Variants in ADCK5 observed in about 807,000 individuals in gnomAD.
ADCK5 encodes the protein aarF domain containing kinase 5.
In ADCK5, 43 loss-of-function variants were observed where a neutral mutation model predicts 64.9. The observed-to-expected ratio is 0.66, with a 90% confidence interval of 0.52 to 0.85. ADCK5 has a LOEUF of 0.85. ADCK5 is among the 40% of genes least tolerant of loss of function. The pLI is 0.00. For missense variants in ADCK5, 760 were observed against 810.5 expected, an observed-to-expected ratio of 0.94 and a Z score of 0.76; for synonymous variants, 434 against 342.8, an observed-to-expected ratio of 1.27 and a Z score of -2.94.
At chr8:144,380,222 A>C (rs201588854) in intron 2 of ADCK5, among the ~76,000 whole-genome samples, 2,304 of 73,210 alleles carry the variant, frequency 0.031, no homozygotes, top group Middle Eastern at 0.092. Context: ...CTGCTGCACT[A>C]AGGATTATGG....
Position 144,392,872 on chromosome 8 carries a change from C to T in ADCK5, c.1617C>T (p.Leu539=). 1.9e-6 allele frequency: 3 copies of T among 1,601,792 alleles called. No homozygotes were observed. The highest frequency in any genetic ancestry group is 2.5e-6 in the Non-Finnish European group (3 of 1,177,050). Residue 539 remains leucine, a synonymous_variant, in exon 14 of 15, where the codon CTC becomes CTT. Transcript: ENST00000308860. The part of the protein sequence containing the change: ...LRHAKVVWEM[L]KFEVALRLET... ...ACGCCAAGGTCGTCTGGGAGATGCTCAAGTTTGAAGTGGCGCTCAGGTGAG... is the reference window on the plus strand; with the variant it reads ...ACGCCAAGGTCGTCTGGGAGATGCTTAAGTTTGAAGTGGCGCTCAGGTGAG...
Position 144,374,056 on chromosome 8 carries a change from A to G in ADCK5, c.-40A>G, listed in dbSNP as rs1432147728. Reference sequence around the variant, plus strand: ...GGGCCTGCTGGGCTGCGAGACGCTAAGCGGCGCCGGGCGGGAGAAGAGCGG... The same window carrying G: ...GGGCCTGCTGGGCTGCGAGACGCTAGGCGGCGCCGGGCGGGAGAAGAGCGG... On this transcript the variant is annotated 5_prime_UTR_variant, in exon 1 of 15. Coordinates refer to ENST00000308860, the MANE Select transcript of ADCK5 (RefSeq NM_174922.5). The G allele has an allele frequency of 1.1e-5, 14 of 1,245,346 alleles. No individual in the cohort carries two copies. The highest frequency in any genetic ancestry group is 3.2e-5 in the East Asian group (1 of 31,710). 77.1% of individuals were successfully genotyped at this position (1,245,346 alleles called of 1,614,324 possible).
In ADCK5 at chr8:144,390,785, AGGT is replaced by A. The variant is rs782449342; in HGVS notation, c.342+45_342+47del. The A allele has an allele frequency of 7.1e-5, 114 of 1,609,528 alleles. No homozygotes were observed. In the Admixed American group the frequency reaches 8.0e-4, roughly 11 times the overall value. Reference sequence around the variant, plus strand: ...CCCTGGGCACACAGTGGTGGGCATGAGGTGGTGGGCTGGGTGGGACTGAGGAGG... The same window carrying A: ...CCCTGGGCACACAGTGGTGGGCATGAGGTGGGCTGGGTGGGACTGAGGAGG... On this transcript the variant is annotated intron_variant, in intron 4 of 14. Coordinates refer to ENST00000308860, the MANE Select transcript of ADCK5 (RefSeq NM_174922.5).
At position 144,376,649 on chromosome 8, in the gene ADCK5, A is replaced by T. The variant is rs1337617660; in HGVS notation, c.12+2542A>T. Among the ~76,000 whole-genome samples the T allele has an allele frequency of 6.6e-6, 1 of 152,132 alleles. No homozygotes were observed. Among genetic ancestry groups the T allele is most frequent in the Non-Finnish European group, 1.5e-5 (1 of 68,018 alleles). On this transcript the variant is annotated intron_variant, in intron 1 of 14. Coordinates refer to ENST00000308860, the MANE Select transcript of ADCK5 (RefSeq NM_174922.5). This position sits in a 1 kb window ranked among gnomAD's most constrained non-coding sequence, Gnocchi z 5.1. ...AAACAGCTTGCGTTGCTGGTCATGG[A>T]TGAGGTGGGCAGTGGCTGGGATAGC...
chr8:144,386,134 G>A (rs777958627), intron 3 of ADCK5, among the ~76,000 whole-genome samples: 10 of 149,886 alleles, frequency 6.7e-5, no homozygotes, highest in African/African-American at 1.5e-4. Context: ...TCGGCCTCCC[G>A]AGTAGCTGGG....
At chr8:144,375,237 G>T (rs1223812080) in intron 1 of ADCK5, among the ~76,000 whole-genome samples, 1 of 152,062 alleles carries the variant, frequency 6.6e-6, no homozygotes, top group African/African-American at 2.4e-5. Context: ...CATGGCCAGT[G>T]AGCAGGGCTG....
intron 2 of ADCK5, 38 bp from the exon 3 acceptor site, chr8:144,383,042 TG>T: frequency 1.3e-6 from 2 of 1,567,848 alleles, no homozygotes; most frequent in South Asian, 1.2e-5. Flanking sequence ...CAGCTGAATG[TG>T]GGGGGCGGCG....
chr8:144,388,515 A>G (rs1398226877), intron 3 of ADCK5, among the ~76,000 whole-genome samples: 2 of 152,006 alleles, frequency 1.3e-5, no homozygotes, highest in South Asian at 4.1e-4. Context: ...CTGTAATCCC[A>G]GCACTTTGGG....
Position 144,392,845 on chromosome 8 carries a change from C to A in ADCK5, c.1590C>A (p.Arg530=). 6.3e-7 allele frequency: 1 copy of A among 1,594,998 alleles called. No homozygotes were observed. Among genetic ancestry groups the A allele is most frequent in the Non-Finnish European group, 8.5e-7 (1 of 1,174,660 alleles). The change falls in exon 14 of 15, where the codon CGC becomes CGA. Residue 530 remains arginine (R), a synonymous_variant. Coordinates refer to ENST00000308860, the MANE Select transcript of ADCK5 (RefSeq NM_174922.5). The part of the protein sequence containing the change: ...YRGVYGTSLL[R]HAKVVWEMLK... The stretch of plus-strand genomic sequence containing the variant: ...GTGTCTACGGCACCAGCCTCCTGCG[C>A]CACGCCAAGGTCGTCTGGGAGATGC...
chr8:144,393,085 CCCAGGG>C lies in ADCK5; in HGVS notation c.*14_*19del, dbSNP rs1820408606. ...TACCTGGAGACCTAGGGTGCAGCCG[CCCAGGG>C]CCGGCGGGGCCCTTTTCACCTTGGG... On this transcript the variant is annotated 3_prime_UTR_variant, in exon 15 of 15. Transcript: ENST00000308860. 2.6e-6 allele frequency: 4 copies of C among 1,548,140 alleles called. No individual in the cohort carries two copies. Among genetic ancestry groups the C allele is most frequent in the Non-Finnish European group, 3.5e-6 (4 of 1,151,984 alleles).
chr8:144,377,954 G>T (rs1477684289), intron 1 of ADCK5, among the ~76,000 whole-genome samples: 3 of 152,186 alleles, frequency 2.0e-5, no homozygotes, highest in Non-Finnish European at 4.4e-5. Flanking sequence ...GACAGGTCAG[G>T]GTGCTGCCAA....
At position 144,379,507 on chromosome 8, in the gene ADCK5, G is replaced by C. The variant is rs782790319; in HGVS notation, c.116+17G>C. The C allele has an allele frequency of 5.8e-6, 9 of 1,564,750 alleles. No individual in the cohort carries two copies. The highest frequency in any genetic ancestry group is 7.9e-6 in the Non-Finnish European group (9 of 1,146,056). ...TCCTCCAAGGTAACGAGTCCTCCAC[G>C]GGCATGCGCCTCTCACCCAGGCAGG... On this transcript the variant is annotated intron_variant, in intron 2 of 14. Transcript: ENST00000308860.
intron 3 of ADCK5, among the ~76,000 whole-genome samples, chr8:144,386,013 T>C (rs1214496280): frequency 4.0e-5 from 6 of 151,876 alleles, no homozygotes; most frequent in Non-Finnish European, 8.8e-5. Flanking sequence ...ACCGCCCCTT[T>C]TTCTTTTATT....
In ADCK5 at chr8:144,391,155, G is replaced by A; in HGVS notation, c.565G>A (p.Asp189Asn). Residue 189 changes from aspartate (D) to asparagine (N), a missense_variant, in exon 6 of 15, where the codon GAC becomes AAC. By Grantham distance (23) the Asp-to-Asn change is conservative (BLOSUM62 1). This residue lies in a region of ADCK5 where 427 missense variants were observed against 518.4 expected (regional missense o/e 0.82). Transcript: ENST00000308860. ...FQEVDELFLE[D>N]FQALPHELFQ... ...CCAGGTGGATGAGTTGTTCCTTGAG[G>A]ACTTCCAGGCCCTCCCCCACGAGCT... 1.2e-6 allele frequency: 2 copies of A among 1,611,186 alleles called. No homozygotes were observed. Among genetic ancestry groups the A allele is most frequent in the Non-Finnish European group, 8.5e-7 (1 of 1,179,910 alleles).
intron 3 of ADCK5, among the ~76,000 whole-genome samples, chr8:144,389,052 G>A (rs782682742): frequency 6.3e-4 from 96 of 152,276 alleles, no homozygotes; most frequent in Middle Eastern, 3.4e-3. Context: ...TGGTCTGCCC[G>A]CTGCCTGGCG....
At position 144,392,640 on chromosome 8, in the gene ADCK5, G is replaced by T. The variant is rs1431042813; in HGVS notation, c.1463G>T (p.Arg488Leu). Residue 488 changes from arginine to leucine, a missense_variant, in exon 13 of 15, where the codon CGC becomes CTC. Transcript: ENST00000308860. ...LLVLRNINTV[R>L]AINVALGAPV... Reference sequence around the variant, plus strand: ...GTGCTGCGCAACATCAACACCGTGCGCGCTATCAACGTGGCCCTCGGCGCC... The same window carrying T: ...GTGCTGCGCAACATCAACACCGTGCTCGCTATCAACGTGGCCCTCGGCGCC... The T allele has an allele frequency of 1.3e-6, 2 of 1,594,694 alleles. No homozygotes were observed. Among genetic ancestry groups the T allele is most frequent in the African/African-American group, 1.3e-5 (1 of 74,670 alleles).
At position 144,376,006 on chromosome 8, in the gene ADCK5, A is replaced by G. The variant is rs1819349301; in HGVS notation, c.12+1899A>G. On this transcript the variant is annotated intron_variant, in intron 1 of 14. Coordinates refer to ENST00000308860, the MANE Select transcript of ADCK5 (RefSeq NM_174922.5). The surrounding 1 kb of genome is among the most constrained non-coding windows in gnomAD (Gnocchi z 5.1). Reference sequence around the variant, plus strand: ...TTGGGCTCTGGGAAGTCCTTCTGGGAGATGCAGCTGCAGGCTCGCCCCCCA... The same window carrying G: ...TTGGGCTCTGGGAAGTCCTTCTGGGGGATGCAGCTGCAGGCTCGCCCCCCA... Among the ~76,000 whole-genome samples the G allele has an allele frequency of 6.6e-6, 1 of 152,106 alleles. No homozygotes were observed. Among genetic ancestry groups the G allele is most frequent in the African/African-American group, 2.4e-5 (1 of 41,418 alleles).
At chr8:144,386,499 A>G (rs1554859312) in intron 3 of ADCK5, among the ~76,000 whole-genome samples, 2 of 151,852 alleles carry the variant, frequency 1.3e-5, no homozygotes. Context: ...CTGGAATTAC[A>G]GGTGCCCACC....
At position 144,392,299 on chromosome 8, in the gene ADCK5, G is replaced by A. The variant is rs1820290580; in HGVS notation, c.1221G>A (p.Arg407=). The change falls in exon 12 of 15, where the codon CGG becomes CGA. Residue 407 remains arginine, a synonymous_variant. Coordinates refer to ENST00000308860, the MANE Select transcript of ADCK5 (RefSeq NM_174922.5). ...LCQLWRAIIL[R]DDAAMRAHAA... ...AGCTGTGGCGGGCCATCATCCTGCG[G>A]GACGACGCCGCCATGAGGGCGCACG... 2.0e-5 allele frequency: 30 copies of A among 1,508,332 alleles called. No homozygotes were observed. The highest frequency in any genetic ancestry group is 2.4e-5 in the Non-Finnish European group (27 of 1,132,014). 93.4% of individuals were successfully genotyped at this position (1,508,332 alleles called of 1,614,324 possible). A position where few individuals can be genotyped will look rare whatever the true frequency, so the allele number is the denominator to read the frequency against.
Sources: gnomAD v4.1 joint callset for allele counts (sites outside exome capture counted in the v4.1 genomes callset) on GRCh38, gnomAD v4.1.1 for gene constraint, gnomAD v4.1.1 regional missense constraint, Gnocchi (gnomAD v3.1) non-coding constraint, MANE v1.5 for transcripts, NCBI Gene and HGNC (gene_info 2026-07-23, HGNC 2026-07-21) for gene names.